STARD13: variants seen among roughly 807,000 people sequenced by gnomAD.
STARD13 encodes StAR related lipid transfer domain containing 13.
STARD13 carries 62 observed loss-of-function variants against 106.4 expected under a neutral mutation model. The observed-to-expected ratio is 0.58, with a 90% CI of 0.48 to 0.72. The LOEUF (loss-of-function observed/expected upper bound fraction) is 0.72, where lower values mean the gene tolerates loss of function less well. Among genes scored for constraint, STARD13 ranks in the 30% least tolerant of loss-of-function variants. The pLI, the probability that STARD13 is intolerant of heterozygous loss-of-function variation, is 0.00. For missense variants in STARD13, 1,387 were observed against 1,424.0 expected (o/e 0.97, Z 0.42); for synonymous variants, 565 against 553.0 (o/e 1.02, Z -0.31).
the STARD13 span, among the ~76,000 whole-genome samples, chr13:33,507,401 A>G: frequency 6.6e-6 from 1 of 152,192 alleles, no homozygotes; most frequent in Non-Finnish European, 1.5e-5. Flanking sequence ...TATTTTAAAT[A>G]AAATTATGAA....
At chr13:33,176,695 C>T (rs1884554369) in intron 1 of STARD13, among the ~76,000 whole-genome samples, 1 of 152,094 alleles carries the variant, frequency 6.6e-6, no homozygotes, top group African/African-American at 2.4e-5. Flanking sequence ...ACTTAAGAAA[C>T]TTAATTCCTA....
chr13:33,418,956 G>A, the STARD13 span, among the ~76,000 whole-genome samples: 2 of 152,288 alleles, frequency 1.3e-5, no homozygotes, highest in African/African-American at 4.8e-5. Flanking sequence ...AACCCCACCT[G>A]TAGGTCACCA....
At chr13:33,549,218 G>A in the STARD13 span, among the ~76,000 whole-genome samples, 3 of 152,138 alleles carry the variant, frequency 2.0e-5, no homozygotes, top group African/African-American at 7.2e-5. Flanking sequence ...TAGATGTGTT[G>A]CTATAGCTAT....
chr13:33,318,372 A>T (rs1893422835), intron 1 of STARD13, among the ~76,000 whole-genome samples: 1 of 152,194 alleles, frequency 6.6e-6, no homozygotes, highest in Admixed American at 6.5e-5. Flanking sequence ...GGGCAATTAG[A>T]TATCCACATG....
chr13:33,233,938 G>A (rs751555240), intron 1 of STARD13, among the ~76,000 whole-genome samples: 36 of 152,214 alleles, frequency 2.4e-4, no homozygotes, highest in Non-Finnish European at 5.1e-4. Flanking sequence ...GGTTGAGCAT[G>A]GCAGACCGAA....
At chr13:33,325,080 G>A (rs1190275405) in intron 1 of STARD13, among the ~76,000 whole-genome samples, 4 of 152,074 alleles carry the variant, frequency 2.6e-5, no homozygotes, top group Admixed American at 2.0e-4. Context: ...TTTTGAGGAC[G>A]TAAACTGAAA....
At chr13:33,289,366 C>T (rs776472831), upstream of STARD13, among the ~76,000 whole-genome samples, 5 of 152,168 alleles carry the variant, frequency 3.3e-5, no homozygotes, top group Non-Finnish European at 7.4e-5. Flanking sequence ...CAGCATTGAG[C>T]ACCTACTATG....
the STARD13 span, among the ~76,000 whole-genome samples, chr13:33,664,819 G>A: frequency 6.6e-6 from 1 of 152,032 alleles, no homozygotes; most frequent in Non-Finnish European, 1.5e-5. Flanking sequence ...GTAGAGACGA[G>A]GTTTCACCAC....
At chr13:33,581,539 T>C in the STARD13 span, among the ~76,000 whole-genome samples, 1 of 152,314 alleles carries the variant, frequency 6.6e-6, no homozygotes, top group South Asian at 2.1e-4. Context: ...GTAAAACTGG[T>C]GTTTCAATTT....
chr13:33,361,386 A>G, the STARD13 span, among the ~76,000 whole-genome samples: 1 of 152,212 alleles, frequency 6.6e-6, no homozygotes, highest in African/African-American at 2.4e-5. Context: ...TATACTAATG[A>G]TAAGGCTTCC....
chr13:33,405,874 T>C, the STARD13 span, among the ~76,000 whole-genome samples: 5 of 152,182 alleles, frequency 3.3e-5, no homozygotes, highest in Non-Finnish European at 2.9e-5. Flanking sequence ...TTACATTGAA[T>C]TGGACTCAGA....
At chr13:33,454,629 A>G in the STARD13 span, among the ~76,000 whole-genome samples, 393 of 152,310 alleles carry the variant, frequency 2.6e-3, 2 homozygotes, top group Non-Finnish European at 3.7e-3. Flanking sequence ...ATAATCTTTC[A>G]TTTAACAGAT....
chr13:33,528,257 C>CATATATATGTATATGTATATATATATAT, the STARD13 span, among the ~76,000 whole-genome samples: 2 of 92,930 alleles, frequency 2.2e-5, no homozygotes, highest in African/African-American at 1.3e-4. Context: ...TATATATATA[C>CATATATATGTATATGTATATATATATAT]ATATATATAT....
At chr13:33,396,242 T>C in the STARD13 span, among the ~76,000 whole-genome samples, 1 of 152,218 alleles carries the variant, frequency 6.6e-6, no homozygotes, top group Non-Finnish European at 1.5e-5. Flanking sequence ...GTGATCCTCC[T>C]GCCTCAGCCT....
At chr13:33,336,403 C>A (rs1174559370) in intron 1 of STARD13, 1 of 152,158 alleles carries the variant, frequency 6.6e-6, no homozygotes, top group Non-Finnish European at 1.5e-5. Flanking sequence ...GTGCCAGGAC[C>A]CTGCTGTCAA....
chr13:33,552,620 AAATG>A, the STARD13 span, among the ~76,000 whole-genome samples: 1 of 152,218 alleles, frequency 6.6e-6, no homozygotes, highest in African/African-American at 2.4e-5. Flanking sequence ...AGCTGTTAAG[AAATG>A]AATGAAAGGA....
chr13:33,389,708 A>G, the STARD13 span, among the ~76,000 whole-genome samples: 1 of 152,204 alleles, frequency 6.6e-6, no homozygotes, highest in Non-Finnish European at 1.5e-5. Context: ...GTTTACTTCC[A>G]TTAAATTTAT....
intron 1 of STARD13, among the ~76,000 whole-genome samples, chr13:33,299,903 G>A (rs979503301): frequency 3.9e-5 from 6 of 152,188 alleles, no homozygotes; most frequent in Non-Finnish European, 4.4e-5. Context: ...TGATGGATGG[G>A]CCACTGGAAC....
the STARD13 span, among the ~76,000 whole-genome samples, chr13:33,430,163 C>T: frequency 7.9e-5 from 12 of 152,148 alleles, no homozygotes; most frequent in African/African-American, 2.9e-4. Context: ...GTGATCCACC[C>T]GCCTCGGCCT....
Sources: gnomAD v4.1 joint callset for allele counts (sites outside exome capture counted in the v4.1 genomes callset) on GRCh38, gnomAD v4.1.1 for gene constraint, MANE v1.5 for transcripts, NCBI Gene and HGNC (gene_info 2026-07-23, HGNC 2026-07-21) for gene names.